ADGRL3: variants seen among roughly 807,000 people sequenced by gnomAD.
ADGRL3 encodes adhesion G protein-coupled receptor L3.
In ADGRL3, 62 loss-of-function variants were observed where a neutral mutation model predicts 153.5. The ratio of observed to expected loss-of-function variants is 0.40; its 90% CI spans 0.33 to 0.50. The LOEUF is 0.50. Among genes scored for constraint, ADGRL3 ranks in the 20% least tolerant of loss-of-function variants. The probability of loss-of-function intolerance (pLI) is 0.47; values close to 1 mark genes in which losing one functional copy is unlikely to be tolerated. For missense variants in ADGRL3, 1,641 were observed against 1,859.4 expected (o/e 0.88, Z 2.16); for synonymous variants, 710 against 672.5 (o/e 1.06, Z -0.86).
In ADGRL3 at chr4:61,395,742, A is replaced by T. The variant is rs565168211; in HGVS notation, c.-174+12553A>T. Among the ~76,000 whole-genome samples, 6 of 152,140 alleles carry T rather than the reference A, an allele frequency of 3.9e-5. No homozygotes were observed. In the East Asian group the frequency reaches 1.2e-3, roughly 29 times the overall value. On this transcript the variant is annotated intron_variant, in intron 2 of 26. Coordinates refer to ENST00000683033, the MANE Select transcript of ADGRL3 (RefSeq NM_001387552.1). ...ATAACCCATTTGAAAGAGACCAGAAAATGATAATATATCAGAAAATGATAA... is the reference window on the plus strand; with the variant it reads ...ATAACCCATTTGAAAGAGACCAGAATATGATAATATATCAGAAAATGATAA...
At chr4:61,967,407 ATTTACT>A (rs2099010943) in intron 17 of ADGRL3, among the ~76,000 whole-genome samples, 1 of 152,108 alleles carries the variant, frequency 6.6e-6, no homozygotes, top group Admixed American at 6.6e-5. Flanking sequence ...CAAAAGTAAA[ATTTACT>A]TTGACTCACA....
At chr4:61,354,561 G>A (rs947321272) in intron 1 of ADGRL3, among the ~76,000 whole-genome samples, 26 of 134,054 alleles carry the variant, frequency 1.9e-4, no homozygotes, top group African/African-American at 4.9e-4. Flanking sequence ...ACTCATAGAT[G>A]ATAAGACTTT....
chr4:61,855,221 G>C (rs1218581170), intron 9 of ADGRL3, among the ~76,000 whole-genome samples: 1 of 152,148 alleles, frequency 6.6e-6, no homozygotes, highest in South Asian at 2.1e-4. Flanking sequence ...CTGAATGCTG[G>C]CTCTAGGGAA....
At chr4:61,817,149 A>AC (rs34121977) in intron 9 of ADGRL3, among the ~76,000 whole-genome samples, 2,333 of 104,576 alleles carry the variant, frequency 0.022, 64 homozygotes, top group African/African-American at 0.041. Flanking sequence ...AGGTCTGCAG[A>AC]CCCCCCCCCC....
intron 8 of ADGRL3, among the ~76,000 whole-genome samples, chr4:61,744,637 G>C (rs1235201597): frequency 1.3e-5 from 2 of 152,210 alleles, no homozygotes; most frequent in Non-Finnish European, 2.9e-5. Context: ...AACTCCAACA[G>C]ACCTGCAGCT....
At chr4:61,210,004 C>T (rs1447433637) in intron 1 of ADGRL3, among the ~76,000 whole-genome samples, 1 of 152,004 alleles carries the variant, frequency 6.6e-6, no homozygotes, top group Admixed American at 6.6e-5. Flanking sequence ...AAAATTCAGA[C>T]CCCAAAATTG....
chr4:61,481,852 A>G (rs2098135152), intron 2 of ADGRL3, among the ~76,000 whole-genome samples: 1 of 152,186 alleles, frequency 6.6e-6, no homozygotes, highest in Non-Finnish European at 1.5e-5. Context: ...AAAAAAATAT[A>G]AAAGGTGTAA....
At chr4:61,241,246 A>C (rs185816148) in intron 1 of ADGRL3, among the ~76,000 whole-genome samples, 7 of 152,048 alleles carry the variant, frequency 4.6e-5, no homozygotes, top group Non-Finnish European at 7.4e-5. Context: ...ATGAATAAAG[A>C]GATAGGATGA....
intron 4 of ADGRL3, among the ~76,000 whole-genome samples, chr4:61,522,098 G>C (rs891652124): frequency 6.6e-6 from 1 of 152,068 alleles, no homozygotes; most frequent in Non-Finnish European, 1.5e-5. Context: ...CAGGGATATA[G>C]TGGAGCCAAG....
chr4:61,489,300 G>A lies in ADGRL3; in HGVS notation c.-173-7821G>A, dbSNP rs535823094. 3.8e-4 allele frequency among the ~76,000 whole-genome samples: 58 copies of A among 151,758 alleles called. 1 individual carries two copies. The highest frequency in any genetic ancestry group is 1.7e-3 in the South Asian group (8 of 4,804). The stretch of plus-strand genomic sequence containing the variant: ...TCCTATTATGTCCTGTATTCATGCT[G>A]CTTCTCATGACCCAGACTTTTTGAT... On this transcript the variant is annotated intron_variant, in intron 2 of 26. Coordinates refer to ENST00000683033, the MANE Select transcript of ADGRL3 (RefSeq NM_001387552.1).
intron 2 of ADGRL3, among the ~76,000 whole-genome samples, chr4:61,495,294 C>A (rs542944715): frequency 2.6e-5 from 4 of 152,146 alleles, no homozygotes; most frequent in African/African-American, 9.6e-5. Context: ...TTTATTTTGA[C>A]AGAATGAAGT....
At chr4:61,876,908 T>TAAAAA (rs33929278) in intron 9 of ADGRL3, among the ~76,000 whole-genome samples, 2 of 135,606 alleles carry the variant, frequency 1.5e-5, no homozygotes, top group African/African-American at 2.7e-5. Flanking sequence ...GCTTTCACTT[T>TAAAAA]AAAAAAAAAA....
intron 9 of ADGRL3, among the ~76,000 whole-genome samples, chr4:61,876,114 T>A (rs906211202): frequency 6.6e-6 from 1 of 151,678 alleles, no homozygotes; most frequent in Non-Finnish European, 1.5e-5. Flanking sequence ...TTTTTTTTCC[T>A]TTTTAGATAA....
intron 17 of ADGRL3, among the ~76,000 whole-genome samples, chr4:61,977,469 G>A: frequency 6.6e-6 from 1 of 152,124 alleles, no homozygotes; most frequent in Non-Finnish European, 1.5e-5. Flanking sequence ...TGCTTTGGTA[G>A]CATCCCCCGG....
chr4:61,871,912 C>G (rs939321937), intron 9 of ADGRL3, among the ~76,000 whole-genome samples: 3 of 152,144 alleles, frequency 2.0e-5, no homozygotes, highest in African/African-American at 7.2e-5. Flanking sequence ...TCAAATGTTA[C>G]CTTTCAGTTA....
rs1003638103 is a variant in ADGRL3 at position 61,200,445 on chromosome 4, C to T, written c.-1560C>T. Among the ~76,000 whole-genome samples, 21 of 151,768 alleles carry T rather than the reference C, an allele frequency of 1.4e-4. No homozygotes were observed. The highest frequency in any genetic ancestry group is 5.1e-4 in the African/African-American group (21 of 41,370). On this transcript the variant is annotated 5_prime_UTR_variant, in exon 1 of 27. Transcript: ENST00000683033. The stretch of plus-strand genomic sequence containing the variant: ...GCCCCCCTCGCCTGCTGGCCCGGCA[C>T]CGCTCGCTCCAGTTCCCAGGAGCGG...
At chr4:61,920,688 C>T (rs1035147849) in intron 13 of ADGRL3, among the ~76,000 whole-genome samples, 1 of 152,176 alleles carries the variant, frequency 6.6e-6, no homozygotes, top group African/African-American at 2.4e-5. Context: ...GGGTTTCCAT[C>T]CCCAAGATGA....
intron 23 of ADGRL3, among the ~76,000 whole-genome samples, chr4:62,035,480 G>A (rs1724483459): frequency 6.6e-6 from 1 of 151,954 alleles, no homozygotes; most frequent in Non-Finnish European, 1.5e-5. Flanking sequence ...GTGTACCTCA[G>A]GAAAATAATG....
intron 5 of ADGRL3, among the ~76,000 whole-genome samples, chr4:61,606,851 A>G (rs17239094): frequency 0.026 from 3,887 of 152,256 alleles, 73 homozygotes; most frequent in Middle Eastern, 0.051. Flanking sequence ...AATTGGAAAC[A>G]TAACAAGTCC....
Sources: allele counts gnomAD v4.1 joint callset (sites outside exome capture counted in the v4.1 genomes callset), GRCh38; gene constraint gnomAD v4.1.1; transcripts MANE v1.5; gene names NCBI Gene and HGNC (gene_info 2026-07-23, HGNC 2026-07-21).